Variants in PALLD observed in about 807,000 individuals in gnomAD.
The protein encoded by PALLD is palladin.
In PALLD, 61 loss-of-function variants were observed where a neutral mutation model predicts 123.5. The observed-to-expected ratio is 0.49, with a 90% CI of 0.40 to 0.61. The LOEUF is 0.61. Ranked by LOEUF, PALLD falls within the 20% of genes least tolerant of loss-of-function variation. The pLI, the probability that PALLD is intolerant of heterozygous loss-of-function variation, is 0.00. For missense variants in PALLD, 1,273 were observed against 1,377.0 expected (o/e 0.92, Z 1.20); for synonymous variants, 465 against 496.4 (o/e 0.94, Z 0.84).
At chr4:168,521,187 A>C (rs1763527248) in intron 2 of PALLD, among the ~76,000 whole-genome samples, 1 of 145,868 alleles carries the variant, frequency 6.9e-6, no homozygotes, top group Admixed American at 6.7e-5. Context: ...AAACAAAAAC[A>C]AAAAAAAACA....
At chr4:168,809,874 A>AAG (rs369047877) in intron 10 of PALLD, among the ~76,000 whole-genome samples, 8 of 36,432 alleles carry the variant, frequency 2.2e-4, no homozygotes, top group African/African-American at 5.8e-4. Flanking sequence ...AAAAAAAAAA[A>AAG]GAAAAAAAAA....
rs1010321385 is a variant in PALLD, at chr4:168,783,050, G to A, written c.1964+71127G>A. 1.5e-4 allele frequency among the ~76,000 whole-genome samples: 11 copies of A among 71,482 alleles called. 1 individual carries two copies. The East Asian group carries it at 2.4e-3, about 16-fold the overall frequency. 46.9% of individuals were successfully genotyped at this position (71,482 alleles called of 152,430 possible). A position where few individuals can be genotyped will look rare whatever the true frequency, so the allele number is the denominator to read the frequency against. On this transcript the variant is annotated intron_variant, in intron 10 of 21. Coordinates refer to ENST00000505667, the MANE Select transcript of PALLD (RefSeq NM_001166108.2). Reference sequence around the variant, plus strand: ...ACTCACAAATTTTATATATATATGTGTGTGTGTGTGTGTGTGTGTGTGTGT... The same window carrying A: ...ACTCACAAATTTTATATATATATGTATGTGTGTGTGTGTGTGTGTGTGTGT...
chr4:168,823,908 T>C (rs1256797566), intron 10 of PALLD, among the ~76,000 whole-genome samples: 2 of 152,244 alleles, frequency 1.3e-5, no homozygotes, highest in Admixed American at 1.3e-4. Context: ...CAGACCAGTT[T>C]ATTCATTGCT....
chr4:168,510,465 C>A (rs1388553705), intron 1 of PALLD, among the ~76,000 whole-genome samples: 6 of 152,102 alleles, frequency 3.9e-5, no homozygotes, highest in Non-Finnish European at 8.8e-5. Context: ...AATATCTTCT[C>A]TATCTCCTCC....
At chr4:168,891,829 G>A (rs1429557673) in intron 11 of PALLD, among the ~76,000 whole-genome samples, 1 of 152,052 alleles carries the variant, frequency 6.6e-6, no homozygotes, top group African/African-American at 2.4e-5. Flanking sequence ...GTTTTCCATG[G>A]TATGTACTAC....
rs766452337 is a variant in PALLD, at chr4:168,633,177, C to T, written c.909-35013C>T. Among the ~76,000 whole-genome samples the T allele has an allele frequency of 2.4e-4, 36 of 152,120 alleles. 1 individual carries two copies. The highest frequency in any genetic ancestry group is 1.2e-3 in the South Asian group (6 of 4,828). ...TGGAATGCTTGTTTATTTCTGTTGC[C>T]GATAAATCCATGGGAAATCTCTGCT... On this transcript the variant is annotated intron_variant, in intron 2 of 21. Transcript: ENST00000505667.
chr4:168,921,697 A>T lies in PALLD; in HGVS notation c.3014A>T (p.Asn1005Ile). 1 of 1,611,672 alleles carries T rather than the reference A, an allele frequency of 6.2e-7. No homozygotes were observed. Among genetic ancestry groups the T allele is most frequent in the Non-Finnish European group, 8.5e-7 (1 of 1,179,816 alleles). Residue 1005 changes from asparagine (N) to isoleucine (I), a missense_variant, in exon 18 of 22, where the codon AAC (asparagine) becomes ATC (isoleucine). Around this residue, in one of 2 missense-constraint regions of PALLD, gnomAD observed 329 missense variants for 422.5 expected, o/e 0.78. Transcript: ENST00000505667. ...GGCATCTACACATGTATAGCTACCA[A>T]CCGAGCAGGACAGAACTCATTCAGC... ...DAGIYTCIAT[N>I]RAGQNSFSLE...
intron 10 of PALLD, among the ~76,000 whole-genome samples, chr4:168,839,670 C>T (rs1049041829): frequency 2.0e-5 from 3 of 151,998 alleles, no homozygotes; most frequent in Admixed American, 6.6e-5. Context: ...ATGGAGCCGC[C>T]GTTTTACAGA....
At chr4:168,852,804 A>G (rs1217642629) in intron 10 of PALLD, among the ~76,000 whole-genome samples, 1 of 152,180 alleles carries the variant, frequency 6.6e-6, no homozygotes, top group Admixed American at 6.5e-5. Context: ...ATCGGCTACA[A>G]TTTCTCTTAA....
At chr4:168,763,945 A>G (rs1733306885) in intron 10 of PALLD, among the ~76,000 whole-genome samples, 1 of 152,168 alleles carries the variant, frequency 6.6e-6, no homozygotes, top group Non-Finnish European at 1.5e-5. Flanking sequence ...GTCAAATAAC[A>G]AGGGTCCGTT....
At chr4:168,594,371 G>C (rs574389563) in intron 2 of PALLD, among the ~76,000 whole-genome samples, 1 of 152,092 alleles carries the variant, frequency 6.6e-6, no homozygotes, top group Non-Finnish European at 1.5e-5. Flanking sequence ...CATCATTCCT[G>C]ACAGTTTAGT....
At position 168,504,577 on chromosome 4, in the gene PALLD, A is replaced by C. The variant is rs377112679; in HGVS notation, c.-82-6846A>C. 1.6e-4 allele frequency among the ~76,000 whole-genome samples: 22 copies of C among 138,444 alleles called. 2 individuals are homozygous for C. Among genetic ancestry groups the C allele is most frequent in the African/African-American group, 6.0e-4 (22 of 36,854 alleles). 90.8% of individuals were successfully genotyped at this position (138,444 alleles called of 152,430 possible). ...CCACTGCACTCCAGCCTGGGCGACA[A>C]AGCAAGACTCCAACTCAAAAAAAAA... is the stretch of plus-strand genomic sequence containing the variant. On this transcript the variant is annotated intron_variant, in intron 1 of 21. Transcript: ENST00000505667.
chr4:168,726,470 T>C (rs1786595451), intron 10 of PALLD, among the ~76,000 whole-genome samples: 10 of 152,226 alleles, frequency 6.6e-5, no homozygotes, highest in Admixed American at 6.5e-4. Flanking sequence ...TAAGGTGTTG[T>C]ACACCTTGTG....
rs550161064 is a variant in PALLD, at chr4:168,896,445, G to A, written c.2200-104G>A. The A allele has an allele frequency of 8.4e-5, 60 of 714,354 alleles. No individual in the cohort carries two copies. The African/African-American group carries it at 9.1e-4, about 11-fold the overall frequency. 44.3% of individuals were successfully genotyped at this position (714,354 alleles called of 1,614,324 possible). ...ACTCACAGCACCGTTACTACCAAAC[G>A]CATATTGCTAGCACAAAAGTTTCAC... On this transcript the variant is annotated intron_variant, in intron 12 of 21. Coordinates refer to ENST00000505667, the MANE Select transcript of PALLD (RefSeq NM_001166108.2).
intron 2 of PALLD, among the ~76,000 whole-genome samples, chr4:168,570,039 G>A (rs1278128142): frequency 6.6e-6 from 1 of 152,004 alleles, no homozygotes; most frequent in Non-Finnish European, 1.5e-5. Flanking sequence ...TTTATCTACC[G>A]TGTAAATGTA....
chr4:168,673,517 C>T (rs1268775415), intron 3 of PALLD, among the ~76,000 whole-genome samples: 1 of 152,222 alleles, frequency 6.6e-6, no homozygotes. Flanking sequence ...ATGCCGGACA[C>T]AGGGCCTATA....
intron 19 of PALLD, among the ~76,000 whole-genome samples, chr4:168,924,699 A>G (rs1327683944): frequency 2.0e-5 from 3 of 152,210 alleles, no homozygotes; most frequent in South Asian, 2.1e-4. Context: ...ATAAAAGACT[A>G]TTCAGTGGTT....
chr4:168,900,261 G>C (rs1756216844), intron 14 of PALLD, among the ~76,000 whole-genome samples: 2 of 152,268 alleles, frequency 1.3e-5, no homozygotes, highest in South Asian at 4.1e-4. Flanking sequence ...ATTTCAGCAT[G>C]AGATTTGGAG....
intron 2 of PALLD, among the ~76,000 whole-genome samples, chr4:168,630,475 C>T (rs1463767121): frequency 6.6e-6 from 1 of 152,180 alleles, no homozygotes; most frequent in Non-Finnish European, 1.5e-5. Flanking sequence ...CTCACCACTT[C>T]CTCGGGATAA....
Sources: allele counts gnomAD v4.1 joint callset (sites outside exome capture counted in the v4.1 genomes callset), GRCh38; gene constraint gnomAD v4.1.1; regional missense constraint gnomAD v4.1.1; transcripts MANE v1.5; gene names NCBI Gene and HGNC (gene_info 2026-07-23, HGNC 2026-07-21).